Variants in GABRG3 observed in about 807,000 individuals in gnomAD.
GABRG3 encodes gamma-aminobutyric acid type A receptor subunit gamma3.
A neutral mutation model predicts 48.8 loss-of-function variants in GABRG3; 25 were observed. The observed-to-expected ratio is 0.51, with a 90% CI of 0.37 to 0.72. The LOEUF (loss-of-function observed/expected upper bound fraction) is 0.72, where lower values mean the gene tolerates loss of function less well. GABRG3 is among the 30% of genes least tolerant of loss of function. The pLI, the probability that GABRG3 is intolerant of heterozygous loss-of-function variation, is 0.00. For synonymous variants in GABRG3, 227 were observed against 217.6 expected (o/e 1.04, Z -0.38); for missense variants, 394 against 577.9 (o/e 0.68, Z 3.26).
intron 3 of GABRG3, among the ~76,000 whole-genome samples, chr15:27,076,567 A>G (rs986621308): frequency 1.3e-5 from 2 of 151,826 alleles, no homozygotes; most frequent in African/African-American, 4.8e-5. Context: ...CTCATGATCC[A>G]CCCACCTCAG....
At position 27,318,498 on chromosome 15, in the gene GABRG3, G is replaced by A. The variant is rs77291331; in HGVS notation, c.271-8311G>A. ...TGTGTTGATGCTCTGAATCAGTAAG[G>A]GGAGGCCTGAGTCCAGCAGCTAAAG... On this transcript the variant is annotated intron_variant, in intron 3 of 9. Coordinates refer to ENST00000615808, the MANE Select transcript of GABRG3 (RefSeq NM_033223.5). Among the ~76,000 whole-genome samples, 827 of 152,258 alleles carry A rather than the reference G, an allele frequency of 5.4e-3. 20 individuals carry two copies. The East Asian group carries it at 0.064, about 12-fold the overall frequency.
At chr15:27,207,528 A>G (rs1343511644) in intron 3 of GABRG3, among the ~76,000 whole-genome samples, 1 of 152,226 alleles carries the variant, frequency 6.6e-6, no homozygotes, top group Non-Finnish European at 1.5e-5. Flanking sequence ...GGAAATAATT[A>G]AAATACAGCC....
chr15:27,336,237 G>GAGAGAAAGAA (rs1566792015), intron 5 of GABRG3, among the ~76,000 whole-genome samples: 18 of 143,406 alleles, frequency 1.3e-4, no homozygotes, highest in African/African-American at 4.7e-4. Context: ...AGAGAGAGGA[G>GAGAGAAAGAA]AAGAAAAGAA....
At chr15:27,177,946 G>A (rs1887798178) in intron 3 of GABRG3, among the ~76,000 whole-genome samples, 1 of 152,094 alleles carries the variant, frequency 6.6e-6, no homozygotes, top group African/African-American at 2.4e-5. Context: ...TCAAGGGGAA[G>A]GGAGATCCTG....
chr15:27,045,937 G>A (rs763145763), intron 3 of GABRG3, among the ~76,000 whole-genome samples: 12 of 152,176 alleles, frequency 7.9e-5, no homozygotes, highest in Non-Finnish European at 1.8e-4. Context: ...CTCTTCACCT[G>A]CACATGGTGA....
At chr15:27,011,479 T>A (rs1172700918) in intron 2 of GABRG3, among the ~76,000 whole-genome samples, 1 of 152,162 alleles carries the variant, frequency 6.6e-6, no homozygotes, top group Non-Finnish European at 1.5e-5. Flanking sequence ...CCTTTGTGGC[T>A]TCAACCCCCA....
At chr15:27,431,535 C>G (rs916250526) in intron 5 of GABRG3, among the ~76,000 whole-genome samples, 1 of 152,030 alleles carries the variant, frequency 6.6e-6, no homozygotes, top group Non-Finnish European at 1.5e-5. Context: ...GCTTAATTGT[C>G]TTGTATTAAA....
chr15:27,197,255 T>C (rs140161052), intron 3 of GABRG3, among the ~76,000 whole-genome samples: 2 of 152,340 alleles, frequency 1.3e-5, no homozygotes, highest in African/African-American at 4.8e-5. Context: ...TCTGTACTTA[T>C]ATGAAAATTC....
intron 3 of GABRG3, among the ~76,000 whole-genome samples, chr15:27,187,790 A>G (rs191064743): frequency 5.8e-4 from 88 of 152,182 alleles, no homozygotes; most frequent in African/African-American, 1.8e-3. Context: ...GGTTAGTTAC[A>G]TATGTATACA....
intron 3 of GABRG3, among the ~76,000 whole-genome samples, chr15:27,256,265 A>C (rs1467845771): frequency 1.3e-5 from 2 of 151,560 alleles, no homozygotes; most frequent in East Asian, 3.9e-4. Flanking sequence ...ACATGGTGAA[A>C]CCCGTCTCTA....
intron 5 of GABRG3, among the ~76,000 whole-genome samples, chr15:27,412,058 T>C (rs1423454640): frequency 1.3e-5 from 2 of 152,148 alleles, no homozygotes; most frequent in Non-Finnish European, 2.9e-5. Context: ...GCTGCCATTT[T>C]GTTCCCTAAC....
intron 5 of GABRG3, among the ~76,000 whole-genome samples, chr15:27,386,307 G>A (rs1182333792): frequency 6.6e-6 from 1 of 152,104 alleles, no homozygotes; most frequent in Non-Finnish European, 1.5e-5. Context: ...AGTATGGCCT[G>A]TGTTCATCCA....
chr15:27,138,654 C>T (rs1307502306), intron 3 of GABRG3, among the ~76,000 whole-genome samples: 5 of 152,164 alleles, frequency 3.3e-5, no homozygotes, highest in South Asian at 2.1e-4. Context: ...AAGTGTTGGA[C>T]GTCCTTTGTG....
At chr15:27,055,522 C>T (rs1055642847) in intron 3 of GABRG3, among the ~76,000 whole-genome samples, 3 of 152,182 alleles carry the variant, frequency 2.0e-5, no homozygotes, top group Non-Finnish European at 4.4e-5. Context: ...GAAAATCCCA[C>T]ACCTGACCTC....
At chr15:27,057,276 C>T (rs963364876) in intron 3 of GABRG3, among the ~76,000 whole-genome samples, 7 of 152,186 alleles carry the variant, frequency 4.6e-5, no homozygotes, top group South Asian at 2.1e-4. Flanking sequence ...AGAAGTTTTC[C>T]GATCTGGCCA....
At chr15:27,111,217 C>T (rs781001626) in intron 3 of GABRG3, among the ~76,000 whole-genome samples, 4 of 152,014 alleles carry the variant, frequency 2.6e-5, no homozygotes, top group Non-Finnish European at 4.4e-5. Flanking sequence ...TTTTCTTGTG[C>T]GTGTGTTTTT....
At chr15:27,405,962 T>G (rs561386974) in intron 5 of GABRG3, among the ~76,000 whole-genome samples, 2 of 151,774 alleles carry the variant, frequency 1.3e-5, no homozygotes, top group Non-Finnish European at 2.9e-5. Flanking sequence ...GTAAAAGAAA[T>G]AAAGGAGCTC....
intron 5 of GABRG3, among the ~76,000 whole-genome samples, chr15:27,342,592 C>G (rs909041886): frequency 6.6e-6 from 1 of 152,258 alleles, no homozygotes; most frequent in African/African-American, 2.4e-5. Flanking sequence ...TTCGCAGATT[C>G]TCAGGGCATT....
chr15:27,026,718 C>A, intron 2 of GABRG3, 36 bp from the exon 3 acceptor site: 4 of 1,523,636 alleles, frequency 2.6e-6, no homozygotes, highest in Non-Finnish European at 3.6e-6. Flanking sequence ...CTTTCTCCGG[C>A]ACGAAGTATT....
Sources: gnomAD v4.1 joint callset for allele counts (sites outside exome capture counted in the v4.1 genomes callset) on GRCh38, gnomAD v4.1.1 for gene constraint, MANE v1.5 for transcripts, NCBI Gene and HGNC (gene_info 2026-07-23, HGNC 2026-07-21) for gene names.